ASTN2: variants seen among roughly 807,000 people sequenced by gnomAD.
The protein encoded by ASTN2 is astrotactin-2.
In ASTN2, 54 loss-of-function variants were observed where a neutral mutation model predicts 139.8. The ratio of observed to expected loss-of-function variants is 0.39; its 90% CI spans 0.31 to 0.48. The LOEUF is 0.48. ASTN2 is among the 20% of genes least tolerant of loss of function. ASTN2 has a pLI of 0.95. For missense variants in ASTN2, 1,565 were observed against 1,725.1 expected (o/e 0.91, Z 1.64); for synonymous variants, 756 against 719.5 (o/e 1.05, Z -0.81).
At chr9:117,266,854 G>C (rs955269931) in intron 2 of ASTN2, among the ~76,000 whole-genome samples, 4 of 152,138 alleles carry the variant, frequency 2.6e-5, no homozygotes, top group African/African-American at 9.7e-5. Context: ...CTTGTTAATT[G>C]CTTTAGTGGT....
At chr9:117,366,999 T>C (rs1829862641) in intron 1 of ASTN2, among the ~76,000 whole-genome samples, 1 of 152,248 alleles carries the variant, frequency 6.6e-6, no homozygotes, top group East Asian at 1.9e-4. Context: ...GATCTTGAAC[T>C]CCTGACCTTG....
intron 19 of ASTN2, among the ~76,000 whole-genome samples, chr9:116,554,738 G>A (rs1852520831): frequency 6.6e-6 from 1 of 151,906 alleles, no homozygotes; most frequent in South Asian, 2.1e-4. Flanking sequence ...TTCTATTTAT[G>A]GCATGTAATC....
chr9:116,898,334 T>C (rs1200844971), intron 10 of ASTN2, among the ~76,000 whole-genome samples: 2 of 150,424 alleles, frequency 1.3e-5, no homozygotes, highest in African/African-American at 4.9e-5. Flanking sequence ...ACTTTAGCCT[T>C]GGAGGTCAAC....
rs144793422 is a variant in ASTN2 at position 116,687,228 on chromosome 9, G to T, written c.2807-35435C>A. 2.5e-3 allele frequency: 2,536 copies of T among 1,004,534 alleles called. 58 individuals are homozygous for T. In the African/African-American group the frequency reaches 0.04, roughly 16 times the overall value. 62.2% of individuals were successfully genotyped at this position (1,004,534 alleles called of 1,614,324 possible). ...CCCGCGCGCTTGGGGCCAGCTGCACGACAAGCCCCAGCATGCTGGGGAGGC... is the reference window on the plus strand; with the variant it reads ...CCCGCGCGCTTGGGGCCAGCTGCACTACAAGCCCCAGCATGCTGGGGAGGC... On this transcript the variant is annotated intron_variant, in intron 16 of 22. Coordinates refer to ENST00000313400, the MANE Select transcript of ASTN2 (RefSeq NM_001365068.1).
At chr9:116,791,035 GAAAGAAA>G (rs1564269221) in intron 13 of ASTN2, among the ~76,000 whole-genome samples, 1 of 98,066 alleles carries the variant, frequency 1.0e-5, no homozygotes, top group African/African-American at 3.5e-5. Flanking sequence ...AAGAAAGAAA[GAAAGAAA>G]GAAAAGAAAA....
At chr9:116,999,777 C>T (rs1329382316) in intron 7 of ASTN2, among the ~76,000 whole-genome samples, 1 of 151,920 alleles carries the variant, frequency 6.6e-6, no homozygotes, top group Non-Finnish European at 1.5e-5. Flanking sequence ...CCAGGCTGGT[C>T]TCGAACTCCT....
At chr9:117,066,777 T>C (rs1587925252) in intron 5 of ASTN2, among the ~76,000 whole-genome samples, 1 of 151,948 alleles carries the variant, frequency 6.6e-6, no homozygotes, top group Non-Finnish European at 1.5e-5. Context: ...CATTTTTTCA[T>C]GTGTTTTTTG....
intron 2 of ASTN2, among the ~76,000 whole-genome samples, chr9:117,243,215 C>T (rs1833268213): frequency 1.3e-5 from 2 of 152,186 alleles, no homozygotes; most frequent in South Asian, 2.1e-4. Flanking sequence ...GTCTAACTCT[C>T]GCTGTGGTTT....
chr9:116,543,131 T>C (rs1048712295), intron 19 of ASTN2, among the ~76,000 whole-genome samples: 81 of 151,808 alleles, frequency 5.3e-4, no homozygotes, highest in African/African-American at 1.9e-3. Context: ...TTTGCATGCA[T>C]AGAAAAAATT....
At chr9:116,707,502 C>T (rs1429772423) in intron 16 of ASTN2, among the ~76,000 whole-genome samples, 1 of 151,858 alleles carries the variant, frequency 6.6e-6, no homozygotes, top group Non-Finnish European at 1.5e-5. Flanking sequence ...ATCGAGAGGA[C>T]CTTCCCTCCT....
chr9:116,975,452 T>C, intron 9 of ASTN2, 107 bp from the exon 10 acceptor site: 1 of 1,109,716 alleles, frequency 9.0e-7, no homozygotes, highest in Non-Finnish European at 1.2e-6. Context: ...TACTTCTCCA[T>C]CCATATCCCC....
intron 17 of ASTN2, among the ~76,000 whole-genome samples, chr9:116,646,350 C>T (rs1857588757): frequency 1.3e-5 from 2 of 152,106 alleles, no homozygotes; most frequent in Non-Finnish European, 2.9e-5. Context: ...TGTGAAAGCC[C>T]AGGCCCCTCA....
At chr9:117,345,179 C>A (rs1829178160) in intron 1 of ASTN2, among the ~76,000 whole-genome samples, 1 of 152,140 alleles carries the variant, frequency 6.6e-6, no homozygotes, top group African/African-American at 2.4e-5. Context: ...GCCAGCAAGG[C>A]TTGCTCTTGC....
chr9:117,006,534 C>T (rs1837358856), intron 7 of ASTN2, among the ~76,000 whole-genome samples: 3 of 152,192 alleles, frequency 2.0e-5, no homozygotes. Context: ...GTCCAAGCCA[C>T]TACCAACTCT....
At chr9:116,787,166 C>T (rs534573506) in intron 13 of ASTN2, among the ~76,000 whole-genome samples, 2 of 152,258 alleles carry the variant, frequency 1.3e-5, no homozygotes, top group East Asian at 1.9e-4. Flanking sequence ...CGCAGCCAAG[C>T]GGAGCTAAGG....
At chr9:116,435,740 T>C (rs1001513060) in intron 22 of ASTN2, among the ~76,000 whole-genome samples, 2 of 152,196 alleles carry the variant, frequency 1.3e-5, no homozygotes, top group Non-Finnish European at 2.9e-5. Context: ...CAGATCTGGA[T>C]TAGCTGCTCC....
Position 116,426,054 on chromosome 9 carries a change from C to A in ASTN2, c.3817G>T (p.Val1273Leu). ...AHLILRRLER[V>L]SSHCSSLLRS... The stretch of plus-strand genomic sequence containing the variant: ...AGGAGGCTGGAGCAGTGGCTACTCA[C>A]CCTCTCCAGTCGCCGTAGAATCAGG... Residue 1273 changes from valine to leucine, a missense_variant, in exon 23 of 23, where the codon GTG becomes TTG. Physicochemically the swap from Val to Leu is conservative, Grantham distance 32. Transcript: ENST00000313400. 6.2e-7 allele frequency: 1 copy of A among 1,613,828 alleles called. No individual in the cohort carries two copies. The highest frequency in any genetic ancestry group is 8.5e-7 in the Non-Finnish European group (1 of 1,180,018).
chr9:117,142,131 CT>C (rs767180657), intron 3 of ASTN2, among the ~76,000 whole-genome samples: 4 of 152,100 alleles, frequency 2.6e-5, no homozygotes, highest in Non-Finnish European at 5.9e-5. Flanking sequence ...AAAGAGGAGG[CT>C]TATGGGAGAT....
At chr9:116,707,285 C>CAAA (rs766053427) in intron 16 of ASTN2, among the ~76,000 whole-genome samples, 7,774 of 60,506 alleles carry the variant, frequency 0.13, 1,120 homozygotes, top group East Asian at 0.36. Flanking sequence ...GCCCCCTGAC[C>CAAA]AAAAAAAAAA....
Sources: allele counts gnomAD v4.1 joint callset (sites outside exome capture counted in the v4.1 genomes callset), GRCh38; gene constraint gnomAD v4.1.1; transcripts MANE v1.5; gene names NCBI Gene and HGNC (gene_info 2026-07-23, HGNC 2026-07-21).